LHFPL7: variants seen among roughly 807,000 people sequenced by gnomAD.
LHFPL7 encodes LHFPL tetraspan subfamily member 7 protein.
chr22:24,936,678 A>G, the LHFPL7 span, among the ~76,000 whole-genome samples: 21 of 151,910 alleles, frequency 1.4e-4, no homozygotes, highest in South Asian at 4.4e-3. Flanking sequence ...CCTTTTTTCC[A>G]TGCCTTTATT....
At chr22:24,940,708 C>G in the LHFPL7 span, among the ~76,000 whole-genome samples, 1 of 23,440 alleles carries the variant, frequency 4.3e-5, no homozygotes, top group African/African-American at 2.7e-4. Flanking sequence ...TCCTTCCCTC[C>G]TTCCCTTTCT....
At chr22:24,942,700 CAAG>C in the LHFPL7 span, among the ~76,000 whole-genome samples, 1 of 152,130 alleles carries the variant, frequency 6.6e-6, no homozygotes, top group Admixed American at 6.5e-5. Flanking sequence ...TCCATCTGTA[CAAG>C]AAGATTATGA....
At chr22:24,935,156 T>A in the LHFPL7 span, 4 of 761,272 alleles carry the variant, frequency 5.3e-6, no homozygotes, top group East Asian at 8.2e-5. Context: ...AGAACAACCT[T>A]ATGAGGTAGG....
chr22:24,945,842 G>A, the LHFPL7 span, among the ~76,000 whole-genome samples: 1 of 152,194 alleles, frequency 6.6e-6, no homozygotes, highest in Non-Finnish European at 1.5e-5. Flanking sequence ...ACATTCTCCC[G>A]GCTATGCAGC....
the LHFPL7 span, chr22:24,939,262 C>T: frequency 1.4e-6 from 1 of 697,598 alleles, no homozygotes; most frequent in Non-Finnish European, 2.6e-6. Context: ...GAATTCCGCT[C>T]AGCCAGCTTT....
chr22:24,937,405 T>C, the LHFPL7 span, among the ~76,000 whole-genome samples: 1 of 152,092 alleles, frequency 6.6e-6, no homozygotes, highest in African/African-American at 2.4e-5. Flanking sequence ...GAGATGAGGT[T>C]GGTGAGGGAC....
the LHFPL7 span, chr22:24,939,673 C>T: frequency 3.1e-6 from 2 of 636,854 alleles, no homozygotes; most frequent in African/African-American, 3.6e-5. Context: ...TCATCAGCCC[C>T]CCTTGAGCCT....
the LHFPL7 span, chr22:24,938,200 G>A: frequency 6.2e-7 from 1 of 1,614,216 alleles, no homozygotes; most frequent in Non-Finnish European, 8.5e-7. Context: ...CTTGGGCACA[G>A]CCCTTTGGGG....
chr22:24,945,809 G>T, the LHFPL7 span, among the ~76,000 whole-genome samples: 1 of 152,150 alleles, frequency 6.6e-6, no homozygotes, highest in Non-Finnish European at 1.5e-5. Context: ...AACTGGGTCT[G>T]GGAAGGACTT....
chr22:24,935,378 G>A, the LHFPL7 span: 3 of 1,612,336 alleles, frequency 1.9e-6, no homozygotes, highest in African/African-American at 1.3e-5. Context: ...CGGTGGCACT[G>A]GAGAAGATGA....
chr22:24,944,870 C>T, the LHFPL7 span, among the ~76,000 whole-genome samples: 5 of 151,824 alleles, frequency 3.3e-5, no homozygotes, highest in African/African-American at 7.3e-5. Flanking sequence ...AGTACAATGG[C>T]GCGATCTCGG....
chr22:24,938,042 A>C, the LHFPL7 span: 1 of 1,485,796 alleles, frequency 6.7e-7, no homozygotes, highest in Non-Finnish European at 9.0e-7. Context: ...CTGAGGTCTG[A>C]CCCGAGAGGC....
the LHFPL7 span, among the ~76,000 whole-genome samples, chr22:24,940,635 GCCCTTCCTTCCTTCCTTCCTTCCT>G: frequency 5.8e-5 from 1 of 17,326 alleles, no homozygotes; most frequent in African/African-American, 1.5e-4. Context: ...ACATATGCCC[GCCCTTCCTTCCTTCCTTCCTTCCT>G]TCCTTCCTTC....
At chr22:24,945,330 G>A in the LHFPL7 span, among the ~76,000 whole-genome samples, 2 of 152,224 alleles carry the variant, frequency 1.3e-5, no homozygotes, top group Non-Finnish European at 2.9e-5. Context: ...AAGGGAAGCA[G>A]AGGGAGAAGT....
the LHFPL7 span, among the ~76,000 whole-genome samples, chr22:24,940,452 C>T: frequency 5.3e-4 from 80 of 150,806 alleles, 1 homozygote; most frequent in Non-Finnish European, 9.3e-4. Flanking sequence ...AAAAATTAGC[C>T]GGGCGTGGGA....
chr22:24,943,768 A>T, the LHFPL7 span, among the ~76,000 whole-genome samples: 1 of 152,230 alleles, frequency 6.6e-6, no homozygotes, highest in Non-Finnish European at 1.5e-5. Context: ...GGGCATGGTC[A>T]GCTCTCATGC....
chr22:24,945,063 C>A, the LHFPL7 span, among the ~76,000 whole-genome samples: 1 of 152,188 alleles, frequency 6.6e-6, no homozygotes, highest in East Asian at 1.9e-4. Context: ...CCGCCTTGGC[C>A]TCCCAAAGTG....
chr22:24,946,036 G>A, the LHFPL7 span, among the ~76,000 whole-genome samples: 4 of 152,204 alleles, frequency 2.6e-5, no homozygotes, highest in Non-Finnish European at 4.4e-5. Flanking sequence ...TTGGCCAGGT[G>A]TGGTGGCTCA....
the LHFPL7 span, chr22:24,938,137 C>T: frequency 6.2e-7 from 1 of 1,613,322 alleles, no homozygotes; most frequent in Non-Finnish European, 8.5e-7. Flanking sequence ...TGTGCCTGTG[C>T]ATTGGATTTA....
Sources: gnomAD v4.1 joint callset for allele counts (sites outside exome capture counted in the v4.1 genomes callset) on GRCh38, gnomAD v4.1.1 for gene constraint, MANE v1.5 for transcripts, NCBI Gene and HGNC (gene_info 2026-07-23, HGNC 2026-07-21) for gene names.